TMEM202: variants seen among roughly 807,000 people sequenced by gnomAD.
TMEM202 encodes transmembrane protein 202.
In TMEM202, 25 loss-of-function variants were observed where a neutral mutation model predicts 26.1. The observed-to-expected ratio is 0.96, with a 90% CI of 0.70 to 1.34. TMEM202 has a LOEUF of 1.34. Among genes scored for constraint, TMEM202 ranks in the 40% most tolerant of loss-of-function variants. The pLI is 0.00. For synonymous variants in TMEM202, 122 were observed against 119.0 expected (o/e 1.02, Z -0.16); for missense variants, 301 against 327.7 (o/e 0.92, Z 0.63).
Position 72,398,419 on chromosome 15 carries a change from T to C in TMEM202, c.81+12T>C, listed in dbSNP as rs373894740. 115 of 1,601,644 alleles carry C rather than the reference T, an allele frequency of 7.2e-5. No homozygotes were observed. Among genetic ancestry groups the C allele is most frequent in the East Asian group, 6.7e-4 (30 of 44,792 alleles). ...GGAAATACCAAAGGGTGAGGAGGTA[T>C]CTAATTGAAAGTCAGATGGGAAGAA... is the stretch of plus-strand genomic sequence containing the variant. On this transcript the variant is annotated intron_variant, in intron 1 of 4. Transcript: ENST00000341689.
chr15:72,406,532 T>C, intron 2 of TMEM202, 70 bp from the exon 3 acceptor site: 1 of 1,297,464 alleles, frequency 7.7e-7, no homozygotes, highest in Non-Finnish European at 1.1e-6. Flanking sequence ...TCTAAGACTC[T>C]ATCTGGCCTT....
At chr15:72,406,181 T>G (rs1165757941) in intron 2 of TMEM202, among the ~76,000 whole-genome samples, 1 of 152,166 alleles carries the variant, frequency 6.6e-6, no homozygotes. Flanking sequence ...ATATCTACTA[T>G]GTACAGAGGG....
chr15:72,398,410 G>C lies in TMEM202; in HGVS notation c.81+3G>C. ...AGGGGAACCGGAAATACCAAAGGGT[G>C]AGGAGGTATCTAATTGAAAGTCAGA... On this transcript the variant is annotated splice_donor_region_variant and intron_variant, in intron 1 of 4. Coordinates refer to ENST00000341689, the MANE Select transcript of TMEM202 (RefSeq NM_001080462.3). 1.2e-6 allele frequency: 2 copies of C among 1,607,214 alleles called. No homozygotes were observed. Among genetic ancestry groups the C allele is most frequent in the Non-Finnish European group, 1.7e-6 (2 of 1,176,436 alleles).
chr15:72,406,308 T>C (rs2063571037), intron 2 of TMEM202, among the ~76,000 whole-genome samples: 1 of 152,220 alleles, frequency 6.6e-6, no homozygotes, highest in African/African-American at 2.4e-5. Context: ...CGCGTATTAC[T>C]TACTACTTTT....
intron 2 of TMEM202, among the ~76,000 whole-genome samples, chr15:72,404,147 C>A (rs2063560897): frequency 6.6e-6 from 1 of 152,112 alleles, no homozygotes; most frequent in Admixed American, 6.6e-5. Context: ...GGTGTGGTGG[C>A]TCAAGACTGT....
intron 4 of TMEM202, 65 bp from the exon 5 acceptor site, chr15:72,407,626 A>G: frequency 6.7e-7 from 1 of 1,483,214 alleles, no homozygotes. Context: ...AGGATGCATA[A>G]GAATTTTAAA....
chr15:72,407,670 C>A (rs1026613195), intron 4 of TMEM202, 21 bp from the exon 5 acceptor site: 1 of 1,612,018 alleles, frequency 6.2e-7, no homozygotes, highest in Non-Finnish European at 8.5e-7. Flanking sequence ...AACCTCACCT[C>A]AAATTATTCC....
At position 72,408,285 on chromosome 15, in the gene TMEM202, G is replaced by A. The variant is rs1320922474; in HGVS notation, c.*392G>A. 1.3e-5 allele frequency among the ~76,000 whole-genome samples: 2 copies of A among 152,084 alleles called. No individual in the cohort carries two copies. The highest frequency in any genetic ancestry group is 4.8e-5 in the African/African-American group (2 of 41,400). ...TGTGGCTTTGGGTATACTCAGGATG[G>A]AAAGCACTTGGACAAATACTGTTGA... On this transcript the variant is annotated 3_prime_UTR_variant, in exon 5 of 5. Coordinates refer to ENST00000341689, the MANE Select transcript of TMEM202 (RefSeq NM_001080462.3).
At position 72,405,197 on chromosome 15, in the gene TMEM202, T is replaced by C. The variant is rs547738016; in HGVS notation, c.338-1405T>C. ...TACTCAGAAGCTGGACTTGGATTCTTAGGCATATAAGTGGTTAGAGAACTT... is the reference window on the plus strand; with the variant it reads ...TACTCAGAAGCTGGACTTGGATTCTCAGGCATATAAGTGGTTAGAGAACTT... On this transcript the variant is annotated intron_variant, in intron 2 of 4. Transcript: ENST00000341689. 2.6e-5 allele frequency among the ~76,000 whole-genome samples: 4 copies of C among 152,264 alleles called. No homozygotes were observed. In the South Asian group the frequency reaches 8.3e-4, roughly 32 times the overall value.
At chr15:72,406,852 C>A in intron 3 of TMEM202, 101 bp downstream of exon 3, 1 of 1,364,390 alleles carries the variant, frequency 7.3e-7, no homozygotes, top group Non-Finnish European at 1.0e-6. Context: ...TCTCTTTGCT[C>A]TTCTTCAGTA....
chr15:72,404,400 CTG>C (rs1004984227), intron 2 of TMEM202, among the ~76,000 whole-genome samples: 1 of 151,866 alleles, frequency 6.6e-6, no homozygotes, highest in African/African-American at 2.4e-5. Context: ...GGGTTACAGA[CTG>C]AGACCCCGTC....
intron 2 of TMEM202, among the ~76,000 whole-genome samples, chr15:72,403,578 CT>C (rs1482684719): frequency 1.3e-5 from 2 of 152,070 alleles, no homozygotes; most frequent in African/African-American, 4.8e-5. Context: ...CAAGCAGAGC[CT>C]TTTGTGATTT....
chr15:72,402,885 C>T (rs2063554306), intron 2 of TMEM202, among the ~76,000 whole-genome samples: 1 of 152,102 alleles, frequency 6.6e-6, no homozygotes, highest in Non-Finnish European at 1.5e-5. Flanking sequence ...GGTCCTAAGT[C>T]TCCACCCAGG....
chr15:72,398,561 C>A, intron 1 of TMEM202, 92 bp from the exon 2 acceptor site: 1 of 1,504,106 alleles, frequency 6.6e-7, no homozygotes, highest in Non-Finnish European at 9.0e-7. Flanking sequence ...AAATCAAACA[C>A]ACATGGGAAT....
chr15:72,407,343 CA>C (rs1278061314), intron 4 of TMEM202, 126 bp downstream of exon 4: 7 of 1,150,130 alleles, frequency 6.1e-6, no homozygotes, highest in South Asian at 5.9e-5. Context: ...CTTGGAGAGT[CA>C]GGGGGGCATA....
At chr15:72,407,307 G>C in intron 4 of TMEM202, 90 bp downstream of exon 4, 1 of 1,437,608 alleles carries the variant, frequency 7.0e-7, no homozygotes, top group Non-Finnish European at 9.6e-7. Flanking sequence ...TAGAAGCACT[G>C]ACTGTTCCTT....
intron 2 of TMEM202, among the ~76,000 whole-genome samples, chr15:72,402,429 C>A (rs77603809): frequency 0.033 from 5,033 of 152,262 alleles, 131 homozygotes; most frequent in East Asian, 0.12. Flanking sequence ...AATGTGCATG[C>A]TCATATTCCT....
intron 4 of TMEM202, among the ~76,000 whole-genome samples, 163 bp from the exon 5 acceptor site, chr15:72,407,528 T>C (rs1327064702): frequency 6.6e-6 from 1 of 152,136 alleles, no homozygotes; most frequent in Non-Finnish European, 1.5e-5. Context: ...AGAAATATTA[T>C]AATGCAATTA....
chr15:72,407,955 C>T lies in TMEM202; in HGVS notation c.*62C>T. The T allele has an allele frequency of 2.9e-6, 4 of 1,398,972 alleles. No homozygotes were observed. The highest frequency in any genetic ancestry group is 1.8e-5 in the Admixed American group (1 of 54,772). The allele number at this position is 1,398,972 out of a possible 1,614,324, so 86.7% of individuals were successfully genotyped here. A position where few individuals can be genotyped will look rare whatever the true frequency, so the allele number is the denominator to read the frequency against. The stretch of plus-strand genomic sequence containing the variant: ...GGAGAAGCTGAGTTGGGAATGGTCA[C>T]ATAAATTCTGGGAAACTCTCCTAAT... On this transcript the variant is annotated 3_prime_UTR_variant, in exon 5 of 5. Transcript: ENST00000341689.
Sources: allele counts gnomAD v4.1 joint callset (sites outside exome capture counted in the v4.1 genomes callset), GRCh38; gene constraint gnomAD v4.1.1; transcripts MANE v1.5; gene names NCBI Gene and HGNC (gene_info 2026-07-23, HGNC 2026-07-21).